STX1B: variants seen among roughly 807,000 people sequenced by gnomAD.
STX1B encodes the protein syntaxin-1B.
STX1B carries 7 observed loss-of-function variants against 39.4 expected under a neutral mutation model. That is an observed-to-expected ratio of 0.18 (90% CI 0.10 to 0.33). STX1B has a LOEUF of 0.33. Ranked by LOEUF, STX1B falls within the 10% of genes least tolerant of loss-of-function variation. The pLI is 1.00. For missense variants in STX1B, 198 were observed against 383.2 expected, an observed-to-expected ratio of 0.52 and a Z score of 4.04; for synonymous variants, 136 against 144.1, an observed-to-expected ratio of 0.94 and a Z score of 0.40.
chr16:31,004,729 G>A (rs1374393828), intron 1 of STX1B, among the ~76,000 whole-genome samples: 1 of 151,778 alleles, frequency 6.6e-6, no homozygotes. Context: ...AAGACCATTT[G>A]GCTCTACCCC....
At chr16:31,009,505 A>T (rs985465531) in intron 1 of STX1B, among the ~76,000 whole-genome samples, 1 of 151,712 alleles carries the variant, frequency 6.6e-6, no homozygotes, top group Non-Finnish European at 1.5e-5. Flanking sequence ...CATTTCTCCA[A>T]ATACCCCAGC....
Position 31,001,573 on chromosome 16 carries a change from C to T in STX1B, c.61G>A (p.Val21Ile), listed in dbSNP as rs1425336336. 1 of 1,613,456 alleles carries T rather than the reference C, an allele frequency of 6.2e-7. No individual in the cohort carries two copies. The highest frequency in any genetic ancestry group is 2.2e-5 in the East Asian group (1 of 44,876). Reference sequence around the variant, plus strand: ...ATGAAGTGGTCCCGATCCACGTGGACCACCTCCTCTTCATCATCACTGTCT... The same window carrying T: ...ATGAAGTGGTCCCGATCCACGTGGATCACCTCCTCTTCATCATCACTGTCT... The part of the protein sequence containing the change: ...AKDSDDEEEV[V>I]HVDRDHFMDE... Residue 21 changes from valine to isoleucine, a missense_variant, in exon 2 of 10, where the codon GTC becomes ATC. Physicochemically the swap from Val to Ile is conservative, Grantham distance 29. Transcript: ENST00000215095. The surrounding 1 kb of genome is among the most constrained non-coding windows in gnomAD (Gnocchi z 5.5).
At chr16:30,993,813 C>T (rs903369151) in intron 7 of STX1B, among the ~76,000 whole-genome samples, 1 of 151,986 alleles carries the variant, frequency 6.6e-6, no homozygotes, top group African/African-American at 2.4e-5. Context: ...GGCGAAACCT[C>T]GTCTCTACTA....
At chr16:31,002,435 C>T (rs1420336872) in intron 1 of STX1B, among the ~76,000 whole-genome samples, 2 of 147,534 alleles carry the variant, frequency 1.4e-5, no homozygotes, top group Non-Finnish European at 3.1e-5. Flanking sequence ...AGGAATAGGC[C>T]CCCCCGACAC....
At chr16:31,004,355 T>C (rs1402593208) in intron 1 of STX1B, among the ~76,000 whole-genome samples, 1 of 152,292 alleles carries the variant, frequency 6.6e-6, no homozygotes, top group East Asian at 1.9e-4. Context: ...CCCCCTTTTA[T>C]AGATGGGGAA....
chr16:30,996,814 G>A (rs2056594987), intron 6 of STX1B, 58 bp from the exon 7 acceptor site: 1 of 1,599,518 alleles, frequency 6.3e-7, no homozygotes, highest in South Asian at 1.1e-5. Context: ...GCCTGAGGTG[G>A]GGTGATGGGG....
At chr16:30,996,917 G>T in intron 6 of STX1B, 34 bp downstream of exon 6, 1 of 1,587,144 alleles carries the variant, frequency 6.3e-7, no homozygotes. Flanking sequence ...CAGCCTCAAG[G>T]AGTTCGGGGT....
intron 7 of STX1B, chr16:30,996,146 G>A (rs1380539835): frequency 6.6e-6 from 1 of 151,628 alleles, no homozygotes; most frequent in African/African-American, 2.4e-5. Context: ...CTGTACTCCA[G>A]CATGGGTGAC....
chr16:30,996,590 T>G, intron 7 of STX1B, 93 bp downstream of exon 7: 1 of 1,175,020 alleles, frequency 8.5e-7, no homozygotes. Context: ...TGCTCATTTT[T>G]CCAGGGTGGA....
At chr16:30,994,150 G>A (rs1328451496) in intron 7 of STX1B, among the ~76,000 whole-genome samples, 1 of 151,938 alleles carries the variant, frequency 6.6e-6, no homozygotes, top group African/African-American at 2.4e-5. Context: ...AAATTAGCCG[G>A]GTGTGGTGGT....
At chr16:31,010,333 C>A in intron 1 of STX1B, 34 bp downstream of exon 1, 1 of 396,854 alleles carries the variant, frequency 2.5e-6, no homozygotes, top group Non-Finnish European at 4.9e-6. Flanking sequence ...ATATTGGGGT[C>A]CCGCCCCCCC....
At chr16:31,008,140 A>G (rs1209982898) in intron 1 of STX1B, among the ~76,000 whole-genome samples, 2 of 140,502 alleles carry the variant, frequency 1.4e-5, no homozygotes, top group Non-Finnish European at 3.1e-5. Flanking sequence ...CAGGTCCCCC[A>G]CACCCTGCCA....
chr16:30,996,777 C>T (rs1316601656), intron 6 of STX1B, 21 bp from the exon 7 acceptor site: 3 of 1,613,564 alleles, frequency 1.9e-6, no homozygotes, highest in Non-Finnish European at 2.5e-6. Context: ...AAAGGACTCC[C>T]TGCTCGGGGG....
intron 1 of STX1B, among the ~76,000 whole-genome samples, chr16:31,007,344 C>T (rs1237042596): frequency 6.6e-6 from 1 of 152,088 alleles, no homozygotes; most frequent in Non-Finnish European, 1.5e-5. Context: ...CCACCTTCCT[C>T]CCAGGGTGTC....
chr16:30,994,626 G>GT (rs11441998), intron 7 of STX1B, among the ~76,000 whole-genome samples: 55,318 of 149,544 alleles, frequency 0.37, 11,304 homozygotes, highest in East Asian at 0.89. Flanking sequence ...GGAAGAGACC[G>GT]TGACCCACAG....
At chr16:31,004,913 C>G (rs567396486) in intron 1 of STX1B, among the ~76,000 whole-genome samples, 2 of 152,306 alleles carry the variant, frequency 1.3e-5, no homozygotes, top group Admixed American at 6.5e-5. Context: ...ATGTCAGGCT[C>G]TCTCCCTTCT....
rs565472257 is a variant in STX1B, at chr16:31,001,375, G to A, written c.105+154C>T. Among the ~76,000 whole-genome samples, 10 of 152,044 alleles carry A rather than the reference G, an allele frequency of 6.6e-5. No individual in the cohort carries two copies. The East Asian group carries it at 1.9e-3, about 30-fold the overall frequency. ...GAAGTTGTCGGTGGCTAGGGGCTGG[G>A]TGCCGGGGCTGCGGCTGGGCGGTGG... On this transcript the variant is annotated intron_variant, in intron 2 of 9. Transcript: ENST00000215095. The surrounding 1 kb of genome is among the most constrained non-coding windows in gnomAD (Gnocchi z 5.5).
At chr16:30,994,037 A>C (rs1469334938) in intron 7 of STX1B, among the ~76,000 whole-genome samples, 1 of 151,556 alleles carries the variant, frequency 6.6e-6, no homozygotes, top group African/African-American at 2.4e-5. Flanking sequence ...TCATGCCTGT[A>C]ATCCCAGAAC....
chr16:31,010,220 A>C (rs2056673914), intron 1 of STX1B, 147 bp downstream of exon 1: 2 of 489,974 alleles, frequency 4.1e-6, no homozygotes, highest in Non-Finnish European at 6.8e-6. Context: ...GAGAGACATC[A>C]GGCGCCTGAA....
Sources: gnomAD v4.1 joint callset for allele counts (sites outside exome capture counted in the v4.1 genomes callset) on GRCh38, gnomAD v4.1.1 for gene constraint, Gnocchi (gnomAD v3.1) non-coding constraint, MANE v1.5 for transcripts, NCBI Gene and HGNC (gene_info 2026-07-23, HGNC 2026-07-21) for gene names.